The following NCAPD2 variants were observed in gnomAD, a reference collection of about 807,000 sequenced individuals.
The protein encoded by NCAPD2 is condensin complex subunit 1.
Under a neutral mutation model 164.5 loss-of-function variants are expected in NCAPD2, and 100 were observed. The observed-to-expected ratio is 0.61, with a 90% CI of 0.52 to 0.72. The LOEUF is 0.72. Among genes scored for constraint, NCAPD2 ranks in the 30% least tolerant of loss-of-function variants. The pLI is 0.00. For synonymous variants in NCAPD2, 585 were observed against 642.6 expected, an observed-to-expected ratio of 0.91 and a Z score of 1.36; for missense variants, 1,560 against 1,749.2, an observed-to-expected ratio of 0.89 and a Z score of 1.93.
At position 6,514,293 on chromosome 12, in the gene NCAPD2, C is replaced by T. The variant is rs751106820; in HGVS notation, c.616C>T (p.Leu206=). The change falls in exon 7 of 32, where the codon CTG becomes TTG. Residue 206 remains leucine, a synonymous_variant. Transcript: ENST00000315579. ...SLVTGCCYRL[L]ENPTINHQKN... ...GGTTACTGGCTGTTGCTACCGCCTT[C>T]TGGAGAATCCCACCATTAATCACCA... The T allele has an allele frequency of 6.2e-7, 1 of 1,614,178 alleles. No individual in the cohort carries two copies.
intron 6 of NCAPD2, 24 bp downstream of exon 6, chr12:6,511,276 A>G (rs967361189): frequency 6.2e-7 from 1 of 1,612,914 alleles, no homozygotes; most frequent in Non-Finnish European, 8.5e-7. Flanking sequence ...ATGGCTACAG[A>G]TAATACTGAG....
chr12:6,517,242 T>C, intron 10 of NCAPD2, 123 bp from the exon 11 acceptor site: 5 of 1,420,226 alleles, frequency 3.5e-6, no homozygotes, highest in Non-Finnish European at 4.8e-6. Context: ...TCCTAATCTA[T>C]ATTCTGTAGA....
Position 6,517,368 on chromosome 12 carries a change from C to T in NCAPD2, c.1189C>T (p.Leu397Phe). The T allele has an allele frequency of 1.9e-6, 3 of 1,613,984 alleles. No individual in the cohort carries two copies. Among genetic ancestry groups the T allele is most frequent in the Non-Finnish European group, 1.7e-6 (2 of 1,179,936 alleles). Reference sequence around the variant, plus strand: ...CTTCTCTTCCTACCCTACACAGGCTCTCCCCCTGACACGTTTCCAGGCAGT... The same window carrying T: ...CTTCTCTTCCTACCCTACACAGGCTTTCCCCCTGACACGTTTCCAGGCAGT... ...LFTRIVQQKA[L>F]PLTRFQAVVA... Residue 397 changes from leucine (L) to phenylalanine (F), a missense_variant, in exon 11 of 32, where the codon CTC becomes TTC. By Grantham distance (22) the Leu-to-Phe change is conservative. Transcript: ENST00000315579.
intron 27 of NCAPD2, 57 bp from the exon 28 acceptor site, chr12:6,529,456 A>G: frequency 6.7e-7 from 1 of 1,492,958 alleles, no homozygotes. Context: ...GGTTGGTCTT[A>G]GTGGATGGCA....
intron 2 of NCAPD2, among the ~76,000 whole-genome samples, chr12:6,497,140 T>A (rs539364993): frequency 2.6e-5 from 4 of 152,244 alleles, no homozygotes; most frequent in South Asian, 4.1e-4. Flanking sequence ...GAAGGCAGAG[T>A]GTGGAGGTTG....
chr12:6,501,859 A>T (rs1364933800), intron 2 of NCAPD2, among the ~76,000 whole-genome samples: 2 of 152,244 alleles, frequency 1.3e-5, no homozygotes, highest in Non-Finnish European at 2.9e-5. Context: ...CAAAAACAAA[A>T]GAGAGGTCAA....
intron 2 of NCAPD2, among the ~76,000 whole-genome samples, chr12:6,503,482 C>T (rs917512426): frequency 2.0e-5 from 3 of 152,124 alleles, no homozygotes; most frequent in South Asian, 2.1e-4. Flanking sequence ...ATGAATATAT[C>T]GGTGAGGGGT....
chr12:6,495,984 C>T (rs796141747), intron 2 of NCAPD2, among the ~76,000 whole-genome samples: 58 of 151,904 alleles, frequency 3.8e-4, no homozygotes, highest in African/African-American at 1.4e-3. Context: ...TGCAGCAGCT[C>T]GACAATATGG....
chr12:6,514,552 C>T lies in NCAPD2; in HGVS notation c.804C>T (p.Asp268=), dbSNP rs767859123. The T allele has an allele frequency of 6.2e-6, 10 of 1,614,092 alleles. No individual in the cohort carries two copies. In the Middle Eastern group the frequency reaches 8.2e-4, roughly 133 times the overall value. ...LVAAVSLWAT[D]YGMKSIVGEI... is the part of the protein sequence containing the mutation. Reference sequence around the variant, plus strand: ...CAGCCGTGAGTCTATGGGCAACTGACTATGGAATGAAGAGCATAGTGGGAG... The same window carrying T: ...CAGCCGTGAGTCTATGGGCAACTGATTATGGAATGAAGAGCATAGTGGGAG... Residue 268 remains aspartate (D), a synonymous_variant, in exon 8 of 32, where the codon GAC becomes GAT. Transcript: ENST00000315579.
rs148269816 is a variant in NCAPD2 at position 6,528,039 on chromosome 12, C to T, written c.3091C>T (p.Pro1031Ser). The T allele has an allele frequency of 1.1e-5, 18 of 1,614,238 alleles. No individual in the cohort carries two copies. The highest frequency in any genetic ancestry group is 1.5e-5 in the Non-Finnish European group (18 of 1,180,050). Residue 1031 changes from proline (P) to serine (S), a missense_variant, in exon 24 of 32, where the codon CCA becomes TCA. Pro to Ser is a moderately conservative substitution (Grantham distance 74). Coordinates refer to ENST00000315579, the MANE Select transcript of NCAPD2 (RefSeq NM_014865.4). This position sits in a 1 kb window ranked among gnomAD's most constrained non-coding sequence, Gnocchi z 5.1. ...TAACAACCCAGGCCTCTATAGCAAC[C>T]CAGACCTCTCTGCAGCTGCTTCACT... ...VCNNPGLYSN[P>S]DLSAAASLAL...
chr12:6,531,321 G>A lies in NCAPD2; in HGVS notation c.4121-6G>A. On this transcript the variant is annotated splice_region_variant and splice_polypyrimidine_tract_variant and intron_variant, in intron 31 of 31. Transcript: ENST00000315579. This position sits in a 1 kb window ranked among gnomAD's most constrained non-coding sequence, Gnocchi z 4.1. ...CTTTTTCTTATTCCTTTAATTCTTTGCATAGATCTTTCAGCAGAGATGACA... is the reference window on the plus strand; with the variant it reads ...CTTTTTCTTATTCCTTTAATTCTTTACATAGATCTTTCAGCAGAGATGACA... The A allele has an allele frequency of 6.2e-7, 1 of 1,611,360 alleles. No homozygotes were observed. The highest frequency in any genetic ancestry group is 8.5e-7 in the Non-Finnish European group (1 of 1,178,982).
chr12:6,511,335 T>A (rs1946144523), intron 6 of NCAPD2, 83 bp downstream of exon 6: 1 of 1,340,506 alleles, frequency 7.5e-7, no homozygotes, highest in African/African-American at 1.5e-5. Flanking sequence ...TTTGGTTTTG[T>A]TTTTTTTTTG....
Position 6,528,486 on chromosome 12 carries a change from C to A in NCAPD2, c.3299+158C>A. On this transcript the variant is annotated intron_variant, in intron 25 of 31. Transcript: ENST00000315579. This position sits in a 1 kb window ranked among gnomAD's most constrained non-coding sequence, Gnocchi z 5.1. ...TACAGGCCCCTGGCTAAGAGTCACC[C>A]CAGTGGGACTGACACTTCTGGTTAG... 3 of 1,167,230 alleles carry A rather than the reference C, an allele frequency of 2.6e-6. No individual in the cohort carries two copies. The highest frequency in any genetic ancestry group is 3.6e-6 in the Non-Finnish European group (3 of 824,782). 72.3% of individuals were successfully genotyped at this position (1,167,230 alleles called of 1,614,324 possible).
At position 6,528,122 on chromosome 12, in the gene NCAPD2, A is replaced by G; in HGVS notation, c.3143+31A>G. On this transcript the variant is annotated intron_variant, in intron 24 of 31. Coordinates refer to ENST00000315579, the MANE Select transcript of NCAPD2 (RefSeq NM_014865.4). This position sits in a 1 kb window ranked among gnomAD's most constrained non-coding sequence, Gnocchi z 5.1. ...CCGTGGGGTTGGTACCCCCTTCTCA[A>G]GGAAGATGGGGATGAAATGGCTTCC... The G allele has an allele frequency of 1.2e-6, 2 of 1,614,168 alleles. No homozygotes were observed. The highest frequency in any genetic ancestry group is 1.7e-6 in the Non-Finnish European group (2 of 1,180,026).
intron 13 of NCAPD2, chr12:6,518,168 C>T (rs1946221781): frequency 2.2e-6 from 1 of 456,772 alleles, no homozygotes; most frequent in Non-Finnish European, 3.9e-6. Flanking sequence ...AAAAAAACTA[C>T]TGAAACAATT....
intron 13 of NCAPD2, 72 bp from the exon 14 acceptor site, chr12:6,520,914 C>A: frequency 6.3e-7 from 1 of 1,598,192 alleles, no homozygotes; most frequent in South Asian, 1.1e-5. Context: ...TTGATAGAAT[C>A]ATGAGGTAAG....
intron 2 of NCAPD2, among the ~76,000 whole-genome samples, chr12:6,507,505 T>C (rs543224880): frequency 3.3e-5 from 5 of 152,376 alleles, no homozygotes; most frequent in Non-Finnish European, 7.3e-5. Flanking sequence ...AGAGCCTTTA[T>C]TCCTGACGCA....
At position 6,525,661 on chromosome 12, in the gene NCAPD2, G is replaced by T; in HGVS notation, c.2293G>T (p.Ala765Ser). 6.2e-7 allele frequency: 1 copy of T among 1,613,676 alleles called. No individual in the cohort carries two copies. The highest frequency in any genetic ancestry group is 8.5e-7 in the Non-Finnish European group (1 of 1,180,004). ...GTGGGAGCGGGCCACCGAGAAGGTC[G>T]CCTGCTGTCCTCTGGAGCGCTGTTC... is the stretch of plus-strand genomic sequence containing the variant. ...LLWERATEKV[A>S]CCPLERCSSV... Residue 765 changes from alanine to serine, a missense_variant, in exon 18 of 32, where the codon GCC becomes TCC. Ala to Ser is a moderately conservative substitution (Grantham distance 99, BLOSUM62 1). Transcript: ENST00000315579.
chr12:6,502,144 A>G (rs1250061667), intron 2 of NCAPD2, among the ~76,000 whole-genome samples: 8 of 152,146 alleles, frequency 5.3e-5, no homozygotes, highest in Admixed American at 4.6e-4. Flanking sequence ...AGTAGGTAAG[A>G]GAGTACGTGA....
Sources: allele counts gnomAD v4.1 joint callset (sites outside exome capture counted in the v4.1 genomes callset), GRCh38; gene constraint gnomAD v4.1.1; non-coding constraint Gnocchi (gnomAD v3.1); transcripts MANE v1.5; gene names NCBI Gene and HGNC (gene_info 2026-07-23, HGNC 2026-07-21).